DDX4: variants seen among roughly 807,000 people sequenced by gnomAD.
DDX4 encodes probable ATP-dependent RNA helicase DDX4.
Under a neutral mutation model 100.0 loss-of-function variants are expected in DDX4, and 25 were observed. The ratio of observed to expected loss-of-function variants is 0.25; its 90% confidence interval spans 0.18 to 0.35. The LOEUF (loss-of-function observed/expected upper bound fraction) is 0.35, where lower values mean the gene tolerates loss of function less well. DDX4 is among the 10% of genes least tolerant of loss of function. The pLI is 1.00. For missense variants in DDX4, 635 were observed against 882.4 expected (o/e 0.72, Z 3.55); for synonymous variants, 259 against 275.7 (o/e 0.94, Z 0.60).
chr5:55,768,142 G>A, intron 7 of DDX4: 1 of 553,286 alleles, frequency 1.8e-6, no homozygotes, highest in East Asian at 3.1e-5. Flanking sequence ...ATTTTTTTAA[G>A]TTTTTGGTTC....
rs1744432066 is a variant in DDX4, at chr5:55,816,515, C to T, written c.2150C>T (p.Pro717Leu). The T allele has an allele frequency of 6.2e-7, 1 of 1,612,824 alleles. No individual in the cohort carries two copies. The highest frequency in any genetic ancestry group is 1.3e-5 in the African/African-American group (1 of 74,672). The change falls in exon 22 of 22, where the codon CCA (proline) becomes CTA (leucine). Residue 717 changes from proline (P) to leucine (L), a missense_variant. Coordinates refer to ENST00000505374, the MANE Select transcript of DDX4 (RefSeq NM_024415.3). ...TTTTCTTCTTCACAAGCTCCCAATC[C>T]AGTAGATGATGAGTCATGGGATTAA... is the stretch of plus-strand genomic sequence containing the variant. ...AGFSSSQAPN[P>L]VDDESWD
chr5:55,765,330 C>G (rs538489347), intron 6 of DDX4, among the ~76,000 whole-genome samples: 76 of 147,550 alleles, frequency 5.2e-4, no homozygotes, highest in Non-Finnish European at 8.9e-4. Flanking sequence ...GAGAGAACTT[C>G]TCTCCGAAGT....
chr5:55,748,632 A>T lies in DDX4; in HGVS notation c.127+2411A>T, dbSNP rs117403106. Among the ~76,000 whole-genome samples, 177 of 152,224 alleles carry T rather than the reference A, an allele frequency of 1.2e-3. 2 individuals are homozygous for T. In the East Asian group the frequency reaches 0.03, roughly 25 times the overall value. On this transcript the variant is annotated intron_variant, in intron 3 of 21. Transcript: ENST00000505374. ...TAACAAGTACTTTTTGTAGTTCTTC[A>T]TAATTTTTTATTTTTTTATGAAAAT...
intron 18 of DDX4, among the ~76,000 whole-genome samples, chr5:55,804,930 C>T (rs187737): frequency 0.11 from 17,254 of 150,922 alleles, 1,481 homozygotes; most frequent in East Asian, 0.29. Flanking sequence ...GCCATTTTCA[C>T]GATATTGATT....
chr5:55,741,342 T>C (rs1758971714), intron 2 of DDX4, among the ~76,000 whole-genome samples: 1 of 152,224 alleles, frequency 6.6e-6, no homozygotes, highest in African/African-American at 2.4e-5. Context: ...GCTTAATACA[T>C]TTGTGTTGGG....
chr5:55,810,207 C>G (rs545467802), intron 18 of DDX4, among the ~76,000 whole-genome samples: 1 of 151,968 alleles, frequency 6.6e-6, no homozygotes, highest in Non-Finnish European at 1.5e-5. Context: ...TGGGTTCAAG[C>G]GATTCTCCTC....
At chr5:55,754,351 A>G (rs1054190569) in intron 3 of DDX4, among the ~76,000 whole-genome samples, 1 of 109,656 alleles carries the variant, frequency 9.1e-6, no homozygotes. Context: ...CGTCCCATCA[A>G]TACCTAATTT....
intron 17 of DDX4, among the ~76,000 whole-genome samples, chr5:55,795,724 G>A (rs985604316): frequency 2.0e-5 from 3 of 152,192 alleles, no homozygotes; most frequent in Non-Finnish European, 4.4e-5. Context: ...AGTGAGCCAT[G>A]ATTGTGTGCC....
chr5:55,768,750 G>A (rs1388309451), intron 7 of DDX4, among the ~76,000 whole-genome samples: 1 of 152,210 alleles, frequency 6.6e-6, no homozygotes, highest in Non-Finnish European at 1.5e-5. Context: ...CACCAGCAGT[G>A]TATAGGCATT....
At chr5:55,810,207 C>T (rs545467802) in intron 18 of DDX4, among the ~76,000 whole-genome samples, 6 of 152,082 alleles carry the variant, frequency 3.9e-5, no homozygotes, top group South Asian at 2.1e-4. Context: ...TGGGTTCAAG[C>T]GATTCTCCTC....
chr5:55,765,194 T>C (rs1176917050), intron 6 of DDX4, among the ~76,000 whole-genome samples: 1 of 151,866 alleles, frequency 6.6e-6, no homozygotes, highest in Admixed American at 6.6e-5. Flanking sequence ...TTCTGATCTC[T>C]TTTAACTCAT....
intron 6 of DDX4, chr5:55,766,963 C>G: frequency 6.5e-7 from 1 of 1,527,152 alleles, no homozygotes; most frequent in Non-Finnish European, 8.8e-7. Context: ...AACCAACTCT[C>G]CAGGTAGTTT....
intron 4 of DDX4, among the ~76,000 whole-genome samples, chr5:55,762,346 G>A (rs1313184807): frequency 6.6e-6 from 1 of 151,998 alleles, no homozygotes; most frequent in African/African-American, 2.4e-5. Context: ...TAATTTAGTG[G>A]TAGAGAAACA....
At chr5:55,781,262 C>T in intron 9 of DDX4, 116 bp downstream of exon 9, 1 of 717,030 alleles carries the variant, frequency 1.4e-6, no homozygotes, top group Non-Finnish European at 2.1e-6. Context: ...ATTTTCTCTG[C>T]TTTTAGATCT....
chr5:55,745,437 A>G (rs1260271364), intron 2 of DDX4, among the ~76,000 whole-genome samples: 1 of 151,378 alleles, frequency 6.6e-6, no homozygotes, highest in African/African-American at 2.4e-5. Context: ...TTCTATTTTT[A>G]TTTTTTGAGA....
intron 6 of DDX4, among the ~76,000 whole-genome samples, chr5:55,765,460 C>G (rs1364268795): frequency 7.2e-6 from 1 of 139,060 alleles, no homozygotes; most frequent in Non-Finnish European, 1.5e-5. Flanking sequence ...TTCATTGTCT[C>G]AGTTGTTAGC....
chr5:55,802,612 C>A (rs1258357405), intron 18 of DDX4, among the ~76,000 whole-genome samples: 3 of 152,198 alleles, frequency 2.0e-5, no homozygotes, highest in African/African-American at 7.2e-5. Context: ...AACTTTAGAA[C>A]CTTCTACCCA....
chr5:55,793,677 T>C (rs543831923), intron 17 of DDX4, among the ~76,000 whole-genome samples: 1 of 152,362 alleles, frequency 6.6e-6, no homozygotes, highest in African/African-American at 2.4e-5. Context: ...GGGCCAGTAG[T>C]GCTTGCTCTC....
At chr5:55,752,893 G>A (rs1473072855) in intron 3 of DDX4, among the ~76,000 whole-genome samples, 5 of 150,646 alleles carry the variant, frequency 3.3e-5, no homozygotes, top group South Asian at 2.1e-4. Flanking sequence ...GTGTGAGATG[G>A]TATCTCATTG....
Sources: allele counts gnomAD v4.1 joint callset (sites outside exome capture counted in the v4.1 genomes callset), GRCh38; gene constraint gnomAD v4.1.1; transcripts MANE v1.5; gene names NCBI Gene and HGNC (gene_info 2026-07-23, HGNC 2026-07-21).